The following AFF4 variants were observed in gnomAD, a reference collection of about 807,000 sequenced individuals.
AFF4 encodes ALF transcription elongation factor 4, also known as AF4/FMR2 family member 4.
In AFF4, 13 loss-of-function variants were observed where a neutral mutation model predicts 124.8. That is an observed-to-expected ratio of 0.10 (90% CI 0.07 to 0.17). AFF4 has a LOEUF of 0.17. Ranked by LOEUF, AFF4 falls within the 10% of genes least tolerant of loss-of-function variation. AFF4 has a pLI of 1.00. For synonymous variants in AFF4, 477 were observed against 496.1 expected, an observed-to-expected ratio of 0.96 and a Z score of 0.51; for missense variants, 1,092 against 1,403.8, an observed-to-expected ratio of 0.78 and a Z score of 3.55.
chr5:132,896,403 T>C lies in AFF4; in HGVS notation c.2227A>G (p.Asn743Asp), dbSNP rs899379156. 1 of 1,613,912 alleles carries C rather than the reference T, an allele frequency of 6.2e-7. No individual in the cohort carries two copies. Among genetic ancestry groups the C allele is most frequent in the Admixed American group, 1.7e-5 (1 of 59,938 alleles). Reference protein sequence around the residue: ...ETEPPKGEKKNVPEKHTREAQ... With the variant: ...ETEPPKGEKKDVPEKHTREAQ... ...TCTCTCGTGTGCTTTTCTGGCACAT[T>C]TTTCTTTTCCCCCTTGGGCGGCTCT... Residue 743 changes from asparagine (N) to aspartate (D), a missense_variant, in exon 11 of 21, where the codon AAT (asparagine) becomes GAT (aspartate). By Grantham distance (23) the Asn-to-Asp change is conservative (BLOSUM62 1). This residue lies in a region of AFF4 where 293 missense variants were observed against 280.2 expected (regional missense o/e 1.05). Coordinates refer to ENST00000265343, the MANE Select transcript of AFF4 (RefSeq NM_014423.4).
rs1759863088 is a variant in AFF4, at chr5:132,877,373, G to A, written c.*3686C>T. ...GTAATTAAGCTTTAACAATCTAAAG[G>A]AATACACATTGCACCCTTGAACATT... On this transcript the variant is annotated 3_prime_UTR_variant, in exon 21 of 21. Coordinates refer to ENST00000265343, the MANE Select transcript of AFF4 (RefSeq NM_014423.4). The A allele has an allele frequency of 4.6e-6, 1 of 216,610 alleles. No individual in the cohort carries two copies. Among genetic ancestry groups the A allele is most frequent in the African/African-American group, 2.3e-5 (1 of 44,398 alleles). The allele number at this position is 216,610 out of a possible 1,614,324, so 13.4% of individuals were successfully genotyped here.
chr5:132,899,530 T>C, intron 8 of AFF4, 57 bp downstream of exon 8: 3 of 1,407,992 alleles, frequency 2.1e-6, no homozygotes, highest in African/African-American at 1.4e-5. Flanking sequence ...ATCATTTTTA[T>C]AAAATACAAT....
intron 1 of AFF4, among the ~76,000 whole-genome samples, chr5:132,940,381 G>A (rs1249261028): frequency 7.1e-6 from 1 of 141,774 alleles, no homozygotes; most frequent in Non-Finnish European, 1.5e-5. Context: ...GGCGCCTGAA[G>A]TCCCAGCTAC....
chr5:132,909,579 AAG>A (rs1303980627), intron 5 of AFF4, among the ~76,000 whole-genome samples: 13 of 152,316 alleles, frequency 8.5e-5, no homozygotes, highest in East Asian at 1.9e-4. Context: ...AGAGATTAAA[AAG>A]AGAGAGGTGT....
chr5:132,897,151 G>A lies in AFF4; in HGVS notation c.1479C>T (p.Asp493=), dbSNP rs1305047797. 6.2e-7 allele frequency: 1 copy of A among 1,614,168 alleles called. No individual in the cohort carries two copies. Among genetic ancestry groups the A allele is most frequent in the African/African-American group, 1.3e-5 (1 of 75,036 alleles). Residue 493 remains aspartate, a synonymous_variant, in exon 11 of 21, where the codon GAC becomes GAT. Transcript: ENST00000265343. The part of the protein sequence containing the change: ...PHKVSPASSV[D]SNIPSSQGYK... ...AGCCTTGAGATGATGGGATGTTACT[G>A]TCCACTGAAGAGGCGGGTGACACTT...
At chr5:132,941,533 G>T (rs900714287) in intron 1 of AFF4, among the ~76,000 whole-genome samples, 1 of 151,828 alleles carries the variant, frequency 6.6e-6, no homozygotes, top group African/African-American at 2.4e-5. Flanking sequence ...ACAGGGTTTC[G>T]CAATGTTGCC....
At chr5:132,902,252 T>C (rs1160075633) in intron 7 of AFF4, among the ~76,000 whole-genome samples, 190 bp downstream of exon 7, 1 of 152,118 alleles carries the variant, frequency 6.6e-6, no homozygotes, top group Admixed American at 6.6e-5. Context: ...TTCACCACGT[T>C]GGCCAGGCTG....
At position 132,877,061 on chromosome 5, in the gene AFF4, G is replaced by GT. The variant is rs1339552661; in HGVS notation, c.*3997dup. On this transcript the variant is annotated 3_prime_UTR_variant, in exon 21 of 21. Coordinates refer to ENST00000265343, the MANE Select transcript of AFF4 (RefSeq NM_014423.4). ...AGCTGAAATGAAATTTATGTTCCAT[G>GT]TATTAGGGGATATACAGGTATGATA... The GT allele has an allele frequency of 9.9e-5, 20 of 201,674 alleles. No homozygotes were observed. The highest frequency in any genetic ancestry group is 2.0e-5 in the Non-Finnish European group (2 of 97,760). The allele number at this position is 201,674 out of a possible 1,614,324, so 12.5% of individuals were successfully genotyped here.
At chr5:132,932,124 TG>T in intron 4 of AFF4, 53 bp downstream of exon 4, 1 of 1,331,916 alleles carries the variant, frequency 7.5e-7, no homozygotes. Flanking sequence ...GGTAAGAAGG[TG>T]GCAGAGCATA....
At chr5:132,884,785 G>A (rs1312834813) in intron 19 of AFF4, among the ~76,000 whole-genome samples, 1 of 152,152 alleles carries the variant, frequency 6.6e-6, no homozygotes. Flanking sequence ...TAAGCCTGCT[G>A]TGATAAGTCC....
At position 132,936,507 on chromosome 5, in the gene AFF4, T is replaced by G. The variant is rs184317186; in HGVS notation, c.123+560A>C. 5.3e-3 allele frequency among the ~76,000 whole-genome samples: 809 copies of G among 152,268 alleles called. 4 individuals are homozygous for G. Among genetic ancestry groups the G allele is most frequent in the Middle Eastern group, 0.027 (8 of 294 alleles). On this transcript the variant is annotated intron_variant, in intron 2 of 20. Transcript: ENST00000265343. ...AAACATACTAATAATCTCTGAAACT[T>G]TGTAAACTAAGTAGCAAATGGCAGT...
chr5:132,885,866 A>G (rs1178553582), intron 18 of AFF4, among the ~76,000 whole-genome samples: 1 of 152,096 alleles, frequency 6.6e-6, no homozygotes, highest in Non-Finnish European at 1.5e-5. Context: ...CTCCGCCTCC[A>G]GGGTTCAAGC....
At chr5:132,954,837 G>A (rs924373062) in intron 1 of AFF4, among the ~76,000 whole-genome samples, 4 of 152,124 alleles carry the variant, frequency 2.6e-5, no homozygotes, top group Non-Finnish European at 2.9e-5. Flanking sequence ...GTGAGCCACC[G>A]CGCCCGGCCT....
chr5:132,935,525 C>G (rs181538808), intron 2 of AFF4, among the ~76,000 whole-genome samples: 99 of 152,232 alleles, frequency 6.5e-4, no homozygotes, highest in Non-Finnish European at 4.9e-4. Context: ...AATTCCAGCA[C>G]TTTGGGAGGC....
intron 1 of AFF4, among the ~76,000 whole-genome samples, chr5:132,941,853 C>T (rs1761576237): frequency 6.6e-6 from 1 of 151,842 alleles, no homozygotes; most frequent in African/African-American, 2.4e-5. Context: ...ACTAAAAATA[C>T]AAAAATTGAC....
rs1483220208 is a variant in AFF4, at chr5:132,934,581, T to C, written c.484A>G (p.Ser162Gly). 3.7e-5 allele frequency: 59 copies of C among 1,614,074 alleles called. No homozygotes were observed. The highest frequency in any genetic ancestry group is 4.7e-5 in the Non-Finnish European group (55 of 1,180,042). The change falls in exon 3 of 21, where the codon AGT becomes GGT. Residue 162 changes from serine to glycine, a missense_variant. Physicochemically the swap from Ser to Gly is moderately conservative, Grantham distance 56 (BLOSUM62 0). This residue lies in a region of AFF4 where 188 missense variants were observed against 203.0 expected (regional missense o/e 0.93). Transcript: ENST00000265343. ...CCATGCTGGCCTTTTTTCCGGCTAC[T>C]GCTCCCACTATTGTTATATGACTCA... ...DRESYNNSGS[S>G]SRKKGQHGSE...
chr5:132,905,473 G>T (rs1053345145), intron 5 of AFF4, among the ~76,000 whole-genome samples: 1 of 152,162 alleles, frequency 6.6e-6, no homozygotes, highest in Non-Finnish European at 1.5e-5. Flanking sequence ...TAGTTAGAAA[G>T]CTAAAATATA....
chr5:132,904,571 C>T (rs1179666095), intron 5 of AFF4, among the ~76,000 whole-genome samples, 167 bp from the exon 6 acceptor site: 1 of 152,140 alleles, frequency 6.6e-6, no homozygotes, highest in African/African-American at 2.4e-5. Context: ...AATGGACTTT[C>T]CCAGAGATTA....
intron 1 of AFF4, among the ~76,000 whole-genome samples, chr5:132,941,356 CA>C (rs1761564853): frequency 6.6e-6 from 1 of 151,870 alleles, no homozygotes; most frequent in Non-Finnish European, 1.5e-5. Context: ...TTTTTTGAGA[CA>C]GTGTCTCACT....
Sources: gnomAD v4.1 joint callset for allele counts (sites outside exome capture counted in the v4.1 genomes callset) on GRCh38, gnomAD v4.1.1 for gene constraint, gnomAD v4.1.1 regional missense constraint, MANE v1.5 for transcripts, NCBI Gene and HGNC (gene_info 2026-07-23, HGNC 2026-07-21) for gene names.